PCSK5: variants seen among roughly 807,000 people sequenced by gnomAD.
PCSK5 encodes the protein proprotein convertase subtilisin/kexin type 5.
A neutral mutation model predicts 233.2 loss-of-function variants in PCSK5; 129 were observed. That is an observed-to-expected ratio of 0.55 (90% CI 0.48 to 0.64). The LOEUF is 0.64. Among genes scored for constraint, PCSK5 ranks in the 30% least tolerant of loss-of-function variants. The pLI is 0.00. For missense variants in PCSK5, 2,076 were observed against 2,430.1 expected (o/e 0.85, Z 3.06); for synonymous variants, 825 against 879.2 (o/e 0.94, Z 1.09).
At chr9:75,933,529 C>T (rs1211144248) in intron 2 of PCSK5, among the ~76,000 whole-genome samples, 2 of 152,142 alleles carry the variant, frequency 1.3e-5, no homozygotes, top group Admixed American at 6.5e-5. Flanking sequence ...CAAAAAGGCC[C>T]CTGTTTGAAT....
At chr9:76,017,214 G>C (rs887765132) in intron 3 of PCSK5, among the ~76,000 whole-genome samples, 1 of 152,036 alleles carries the variant, frequency 6.6e-6, no homozygotes, top group African/African-American at 2.4e-5. Flanking sequence ...TCCAGCCCAC[G>C]ACCTCAAATG....
intron 2 of PCSK5, among the ~76,000 whole-genome samples, chr9:75,975,060 A>C (rs1207729490): frequency 6.6e-6 from 1 of 152,222 alleles, no homozygotes; most frequent in Non-Finnish European, 1.5e-5. Context: ...GATTTAAAAA[A>C]CATAGAACTG....
intron 12 of PCSK5, among the ~76,000 whole-genome samples, chr9:76,162,481 G>T (rs1822905276): frequency 1.3e-5 from 2 of 152,166 alleles, no homozygotes; most frequent in East Asian, 1.9e-4. Context: ...GTGAAGCAAA[G>T]GCCTGCTTTG....
intron 37 of PCSK5, among the ~76,000 whole-genome samples, chr9:76,355,864 C>T (rs1016166573): frequency 3.9e-5 from 6 of 151,902 alleles, no homozygotes; most frequent in Non-Finnish European, 5.9e-5. Context: ...CCACCACACC[C>T]GGCTAATTTT....
chr9:76,048,368 TATCC>T (rs1829497920), intron 5 of PCSK5, among the ~76,000 whole-genome samples: 1 of 152,202 alleles, frequency 6.6e-6, no homozygotes, highest in South Asian at 2.1e-4. Context: ...ATAATTATGG[TATCC>T]TGTTAGAAGG....
intron 24 of PCSK5, among the ~76,000 whole-genome samples, chr9:76,276,781 A>G (rs10122766): frequency 0.037 from 5,636 of 152,236 alleles, 344 homozygotes; most frequent in African/African-American, 0.13. Flanking sequence ...TCTTCACCCA[A>G]TGCATATTTC....
At chr9:76,132,693 C>G (rs1237009478) in intron 9 of PCSK5, among the ~76,000 whole-genome samples, 1 of 152,044 alleles carries the variant, frequency 6.6e-6, no homozygotes, top group Admixed American at 6.6e-5. Context: ...TTCTTATGCA[C>G]CAGGCACAAG....
intron 2 of PCSK5, among the ~76,000 whole-genome samples, chr9:75,962,900 T>C (rs1825416653): frequency 6.6e-6 from 1 of 152,140 alleles, no homozygotes; most frequent in African/African-American, 2.4e-5. Flanking sequence ...TGTGTGTGTG[T>C]TGGTTAATCG....
intron 1 of PCSK5, among the ~76,000 whole-genome samples, chr9:75,905,978 T>C (rs1271218351): frequency 6.6e-6 from 1 of 152,186 alleles, no homozygotes; most frequent in Non-Finnish European, 1.5e-5. Context: ...GCTGTTAAAA[T>C]AGTTATTGAG....
At chr9:76,220,417 C>T (rs1825688633) in intron 20 of PCSK5, among the ~76,000 whole-genome samples, 1 of 151,294 alleles carries the variant, frequency 6.6e-6, no homozygotes, top group Admixed American at 6.6e-5. Flanking sequence ...GTCCCAGCTA[C>T]TCGGAAGGCT....
intron 25 of PCSK5, among the ~76,000 whole-genome samples, chr9:76,294,567 G>A (rs550403192): frequency 2.9e-4 from 44 of 152,172 alleles, no homozygotes; most frequent in African/African-American, 7.9e-4. Flanking sequence ...CAGTCCCACC[G>A]TTAGCTAGCT....
At chr9:75,910,459 A>G (rs1424526767) in intron 1 of PCSK5, among the ~76,000 whole-genome samples, 2 of 152,356 alleles carry the variant, frequency 1.3e-5, no homozygotes, top group East Asian at 3.9e-4. Context: ...AATTGCTCTC[A>G]GAGTTGCTTC....
chr9:76,004,296 G>C (rs1320555227), intron 3 of PCSK5, among the ~76,000 whole-genome samples: 1 of 151,716 alleles, frequency 6.6e-6, no homozygotes, highest in Non-Finnish European at 1.5e-5. Flanking sequence ...AATATTTTTA[G>C]CATAAAATCT....
chr9:76,343,781 C>T (rs1829902497), intron 35 of PCSK5, among the ~76,000 whole-genome samples: 1 of 151,882 alleles, frequency 6.6e-6, no homozygotes, highest in Admixed American at 6.6e-5. Flanking sequence ...TACTCTGTGT[C>T]TTCATTCATC....
At chr9:76,134,314 C>G (rs1427470871) in intron 10 of PCSK5, 102 bp downstream of exon 10, 5 of 650,716 alleles carry the variant, frequency 7.7e-6, no homozygotes, top group Non-Finnish European at 1.3e-5. Context: ...AAACTTTAAA[C>G]TTTGTGCTGA....
At chr9:75,930,559 ATTTT>A (rs1386014347) in intron 1 of PCSK5, among the ~76,000 whole-genome samples, 1 of 152,228 alleles carries the variant, frequency 6.6e-6, no homozygotes, top group African/African-American at 2.4e-5. Flanking sequence ...GATACTATTT[ATTTT>A]GAGGGCAAAG....
intron 11 of PCSK5, among the ~76,000 whole-genome samples, chr9:76,157,841 AAAAAC>A (rs1822665846): frequency 6.6e-6 from 1 of 152,242 alleles, no homozygotes; most frequent in African/African-American, 2.4e-5. Flanking sequence ...ATGAGAGAGA[AAAAAC>A]AAAAGGGTGG....
chr9:76,244,563 G>GGT (rs1491152486), intron 24 of PCSK5, among the ~76,000 whole-genome samples: 5 of 66,746 alleles, frequency 7.5e-5, no homozygotes, highest in Non-Finnish European at 1.3e-4. Flanking sequence ...AAATCCTGGG[G>GGT]TTTTTTTTTT....
intron 1 of PCSK5, among the ~76,000 whole-genome samples, chr9:75,905,881 G>A (rs552822732): frequency 1.3e-5 from 2 of 152,122 alleles, no homozygotes; most frequent in African/African-American, 4.8e-5. Context: ...ATTTTCTTCC[G>A]TGAAACCGGT....
Sources: allele counts gnomAD v4.1 joint callset (sites outside exome capture counted in the v4.1 genomes callset), GRCh38; gene constraint gnomAD v4.1.1; transcripts MANE v1.5; gene names NCBI Gene and HGNC (gene_info 2026-07-23, HGNC 2026-07-21).